SNX31: variants seen among roughly 807,000 people sequenced by gnomAD.
SNX31 encodes sorting nexin 31.
SNX31 carries 58 observed loss-of-function variants against 65.4 expected under a neutral mutation model. The observed-to-expected ratio is 0.89, with a 90% confidence interval of 0.72 to 1.10. The LOEUF (loss-of-function observed/expected upper bound fraction) is 1.10, where lower values mean the gene tolerates loss of function less well. Among genes scored for constraint, SNX31 ranks in the 50% least tolerant of loss-of-function variants. The pLI is 0.00. For missense variants in SNX31, 523 were observed against 529.7 expected, an observed-to-expected ratio of 0.99 and a Z score of 0.12; for synonymous variants, 181 against 190.1, an observed-to-expected ratio of 0.95 and a Z score of 0.39.
At chr8:100,581,311 T>A (rs888487637) in intron 12 of SNX31, among the ~76,000 whole-genome samples, 19 of 122,688 alleles carry the variant, frequency 1.5e-4, no homozygotes, top group African/African-American at 7.9e-4. Context: ...AAAAAATTTT[T>A]TATATATCTA....
At chr8:100,662,935 T>TA (rs977935936) in intron 1 of SNX31, among the ~76,000 whole-genome samples, 26 of 152,222 alleles carry the variant, frequency 1.7e-4, no homozygotes, top group African/African-American at 5.8e-4. Context: ...GCTCTACTAT[T>TA]AAAAAAACAA....
At chr8:100,582,892 A>G (rs1813681840) in intron 12 of SNX31, among the ~76,000 whole-genome samples, 1 of 151,288 alleles carries the variant, frequency 6.6e-6, no homozygotes, top group South Asian at 2.1e-4. Flanking sequence ...CTGAGGCAAG[A>G]GAATGGTGTG....
intron 1 of SNX31, among the ~76,000 whole-genome samples, chr8:100,656,190 G>A (rs1309457225): frequency 1.3e-5 from 2 of 152,194 alleles, no homozygotes; most frequent in Non-Finnish European, 2.9e-5. Flanking sequence ...GGCAAGGGCA[G>A]TGTCAAAAAG....
intron 2 of SNX31, among the ~76,000 whole-genome samples, chr8:100,644,866 T>C (rs915375042): frequency 1.3e-5 from 2 of 152,216 alleles, no homozygotes; most frequent in Non-Finnish European, 2.9e-5. Flanking sequence ...GGTTTTACCA[T>C]TGCCCAGGCA....
intron 1 of SNX31, among the ~76,000 whole-genome samples, chr8:100,659,431 G>A (rs573086883): frequency 6.7e-6 from 1 of 149,904 alleles, no homozygotes; most frequent in South Asian, 2.1e-4. Context: ...AGCACAGCAA[G>A]ACATTTCTGA....
At chr8:100,633,826 T>G (rs1818571323) in intron 3 of SNX31, among the ~76,000 whole-genome samples, 1 of 152,186 alleles carries the variant, frequency 6.6e-6, no homozygotes, top group African/African-American at 2.4e-5. Flanking sequence ...CTGGGTGGCG[T>G]ATACAGAAAT....
At chr8:100,624,480 C>A (rs1453504639) in intron 4 of SNX31, among the ~76,000 whole-genome samples, 1 of 152,100 alleles carries the variant, frequency 6.6e-6, no homozygotes, top group African/African-American at 2.4e-5. Context: ...ATGTCTATTT[C>A]ATTTTTCTAA....
chr8:100,603,345 A>C (rs1207335641), intron 8 of SNX31, among the ~76,000 whole-genome samples: 1 of 152,136 alleles, frequency 6.6e-6, no homozygotes, highest in Non-Finnish European at 1.5e-5. Flanking sequence ...CCAATCCAAG[A>C]CATGTCGTTC....
chr8:100,656,893 A>G (rs1209758679), intron 1 of SNX31, among the ~76,000 whole-genome samples: 4 of 152,110 alleles, frequency 2.6e-5, no homozygotes, highest in African/African-American at 9.7e-5. Context: ...TGCTGCCGAC[A>G]ATGATTCCCA....
At chr8:100,574,852 T>C (rs958508747) in intron 13 of SNX31, among the ~76,000 whole-genome samples, 2 of 152,136 alleles carry the variant, frequency 1.3e-5, no homozygotes, top group African/African-American at 4.8e-5. Flanking sequence ...GAGGATCGCT[T>C]GAACCTGGGA....
intron 1 of SNX31, among the ~76,000 whole-genome samples, chr8:100,655,692 G>A (rs1820043002): frequency 6.6e-6 from 1 of 152,192 alleles, no homozygotes; most frequent in Non-Finnish European, 1.5e-5. Context: ...GCAGGAGTTT[G>A]TTGTTATGGA....
intron 1 of SNX31, among the ~76,000 whole-genome samples, chr8:100,658,459 G>A (rs1809708029): frequency 6.6e-6 from 1 of 152,208 alleles, no homozygotes. Flanking sequence ...AAATGCTGCT[G>A]CAGAGGCATT....
chr8:100,590,668 G>C (rs1474659861), intron 10 of SNX31, among the ~76,000 whole-genome samples: 5 of 151,934 alleles, frequency 3.3e-5, no homozygotes, highest in Non-Finnish European at 5.9e-5. Context: ...TGTAATCCCA[G>C]CTACTCGGGA....
intron 2 of SNX31, among the ~76,000 whole-genome samples, chr8:100,636,482 G>A (rs923922369): frequency 2.0e-5 from 3 of 152,164 alleles, no homozygotes; most frequent in East Asian, 1.9e-4. Context: ...CTTGAACGTC[G>A]CTAGTTTGGA....
rs890338545 is a variant in SNX31, at chr8:100,609,499, C to A, written c.612-936G>T. Reference sequence around the variant, plus strand: ...GCAAATAGCAGGGGCTCCGTGTCTGCCTGTCAGATCCAGAATCACGAGGAA... The same window carrying A: ...GCAAATAGCAGGGGCTCCGTGTCTGACTGTCAGATCCAGAATCACGAGGAA... On this transcript the variant is annotated intron_variant, in intron 7 of 13. Transcript: ENST00000311812. The surrounding 1 kb of genome is among the most constrained non-coding windows in gnomAD (Gnocchi z 4.9). 6.6e-6 allele frequency among the ~76,000 whole-genome samples: 1 copy of A among 152,144 alleles called. No homozygotes were observed. The highest frequency in any genetic ancestry group is 6.5e-5 in the Admixed American group (1 of 15,286).
intron 4 of SNX31, chr8:100,618,453 A>G: frequency 1.3e-6 from 1 of 744,408 alleles, no homozygotes; most frequent in Non-Finnish European, 2.3e-6. Flanking sequence ...GTTCTTGAAC[A>G]TCACAATGGC....
intron 2 of SNX31, among the ~76,000 whole-genome samples, chr8:100,640,063 T>G (rs896828510): frequency 1.4e-4 from 21 of 152,226 alleles, no homozygotes; most frequent in African/African-American, 4.6e-4. Context: ...CAGACTTGTT[T>G]TAAATAAATA....
At chr8:100,584,688 C>T (rs1211539373) in intron 11 of SNX31, among the ~76,000 whole-genome samples, 1 of 149,938 alleles carries the variant, frequency 6.7e-6, no homozygotes, top group Admixed American at 6.6e-5. Flanking sequence ...TTTTACTAAA[C>T]TGAAAAAAAA....
In SNX31 at chr8:100,594,800, A is replaced by G. The variant is rs1814917122; in HGVS notation, c.978+1839T>C. ...CCAGCAATTGCACTTGTGGGCATTTATTCCAGAAAAATGAAGACTCATGGC... is the reference window on the plus strand; with the variant it reads ...CCAGCAATTGCACTTGTGGGCATTTGTTCCAGAAAAATGAAGACTCATGGC... On this transcript the variant is annotated intron_variant, in intron 10 of 13. Coordinates refer to ENST00000311812, the MANE Select transcript of SNX31 (RefSeq NM_152628.4). This position sits in a 1 kb window ranked among gnomAD's most constrained non-coding sequence, Gnocchi z 4.0. 6.6e-6 allele frequency among the ~76,000 whole-genome samples: 1 copy of G among 152,262 alleles called. No homozygotes were observed. The highest frequency in any genetic ancestry group is 6.5e-5 in the Admixed American group (1 of 15,292).
Sources: gnomAD v4.1 joint callset for allele counts (sites outside exome capture counted in the v4.1 genomes callset) on GRCh38, gnomAD v4.1.1 for gene constraint, Gnocchi (gnomAD v3.1) non-coding constraint, MANE v1.5 for transcripts, NCBI Gene and HGNC (gene_info 2026-07-23, HGNC 2026-07-21) for gene names.